AGAP1: variants seen among roughly 807,000 people sequenced by gnomAD.
The protein encoded by AGAP1 is ArfGAP with GTPase domain, ankyrin repeat and PH domain 1.
In AGAP1, 29 loss-of-function variants were observed where a neutral mutation model predicts 105.3. That is an observed-to-expected ratio of 0.28 (90% CI 0.21 to 0.38). The LOEUF (loss-of-function observed/expected upper bound fraction) is 0.38. Ranked by LOEUF, AGAP1 falls within the 10% of genes least tolerant of loss-of-function variation. AGAP1 has a pLI of 1.00. For synonymous variants in AGAP1, 509 were observed against 485.9 expected (o/e 1.05, Z -0.63); for missense variants, 998 against 1,165.1 (o/e 0.86, Z 2.09).
intron 9 of AGAP1, among the ~76,000 whole-genome samples, chr2:235,812,553 G>A (rs936193539): frequency 1.3e-5 from 2 of 152,260 alleles, no homozygotes; most frequent in Non-Finnish European, 2.9e-5. Flanking sequence ...TGACGCCAGC[G>A]TTAACAGCTC....
At chr2:235,812,902 A>G (rs1381380152) in intron 9 of AGAP1, among the ~76,000 whole-genome samples, 3 of 152,230 alleles carry the variant, frequency 2.0e-5, no homozygotes, top group Non-Finnish European at 4.4e-5. Context: ...GCTCCCCAGA[A>G]GCAGATAATT....
chr2:235,835,998 T>C (rs577210985), intron 9 of AGAP1, among the ~76,000 whole-genome samples: 1 of 152,350 alleles, frequency 6.6e-6, no homozygotes, highest in African/African-American at 2.4e-5. Flanking sequence ...TTTATAAGCA[T>C]TGTTTACAGA....
At chr2:236,098,536 A>G (rs1316771577) in intron 16 of AGAP1, among the ~76,000 whole-genome samples, 1 of 151,982 alleles carries the variant, frequency 6.6e-6, no homozygotes, top group Non-Finnish European at 1.5e-5. Context: ...CACCACTGCA[A>G]TCCAGCCTGG....
chr2:235,941,852 G>C (rs957263432), intron 12 of AGAP1, among the ~76,000 whole-genome samples: 2 of 150,980 alleles, frequency 1.3e-5, no homozygotes, highest in Non-Finnish European at 1.5e-5. Context: ...TTGTTGTTGG[G>C]GGGGTAAGAA....
In AGAP1 at chr2:235,900,335, G is replaced by A. The variant is rs1310170899; in HGVS notation, c.1156-8403G>A. On this transcript the variant is annotated intron_variant, in intron 10 of 17. Coordinates refer to ENST00000304032, the MANE Select transcript of AGAP1 (RefSeq NM_001037131.3). The surrounding 1 kb of genome is among the most constrained non-coding windows in gnomAD (Gnocchi z 5.5). ...TCTTAGCCTGTTGACTTTGAGGTAG[G>A]AGGAGCCCAAAGTGGCCAGGTGACA... Among the ~76,000 whole-genome samples the A allele has an allele frequency of 2.0e-5, 3 of 151,998 alleles. No homozygotes were observed. The highest frequency in any genetic ancestry group is 7.2e-5 in the African/African-American group (3 of 41,402).
chr2:236,084,650 C>T (rs2058876397), intron 16 of AGAP1, among the ~76,000 whole-genome samples: 1 of 152,132 alleles, frequency 6.6e-6, no homozygotes, highest in African/African-American at 2.4e-5. Context: ...TGCCTGTAAT[C>T]CCAGGACTTT....
rs1458745428 is a variant in AGAP1, at chr2:235,623,311, T to C, written c.164-85868T>C. Reference sequence around the variant, plus strand: ...GGGCATGTCAAATGAATCTGGGCGTTAGCCTACAAATCAAGATTTGCTTTG... The same window carrying C: ...GGGCATGTCAAATGAATCTGGGCGTCAGCCTACAAATCAAGATTTGCTTTG... On this transcript the variant is annotated intron_variant, in intron 1 of 17. Transcript: ENST00000304032. The surrounding 1 kb of genome is among the most constrained non-coding windows in gnomAD (Gnocchi z 4.5). Among the ~76,000 whole-genome samples the C allele has an allele frequency of 6.6e-6, 1 of 152,224 alleles. No homozygotes were observed. Among genetic ancestry groups the C allele is most frequent in the African/African-American group, 2.4e-5 (1 of 41,462 alleles).
intron 1 of AGAP1, among the ~76,000 whole-genome samples, chr2:235,506,623 A>G (rs1403804604): frequency 1.3e-5 from 2 of 152,170 alleles, no homozygotes; most frequent in Non-Finnish European, 2.9e-5. Context: ...TTATTTGTCC[A>G]AGAGTTTCTT....
chr2:235,763,035 G>GGTGTGTGT (rs145122803), intron 6 of AGAP1, among the ~76,000 whole-genome samples: 35 of 140,076 alleles, frequency 2.5e-4, no homozygotes, highest in African/African-American at 8.2e-4. Flanking sequence ...TTAAGGCTCG[G>GGTGTGTGT]GTGTGTGTGT....
At chr2:235,835,778 G>T (rs550295294) in intron 9 of AGAP1, among the ~76,000 whole-genome samples, 6 of 152,288 alleles carry the variant, frequency 3.9e-5, no homozygotes, top group African/African-American at 1.4e-4. Context: ...TAATAAGTGT[G>T]TATCAAAGAT....
chr2:235,519,043 A>G (rs1942512152), intron 1 of AGAP1, among the ~76,000 whole-genome samples: 1 of 152,334 alleles, frequency 6.6e-6, no homozygotes, highest in African/African-American at 2.4e-5. Flanking sequence ...TTTGCAGGTT[A>G]TGTGACAAGA....
chr2:235,675,139 G>A (rs1490544161), intron 1 of AGAP1, among the ~76,000 whole-genome samples: 1 of 150,932 alleles, frequency 6.6e-6, no homozygotes, highest in African/African-American at 2.4e-5. Context: ...TTTTAAATTT[G>A]ATTTGTTACT....
rs1948695194 is a variant in AGAP1, at chr2:235,675,574, AC to A, written c.164-33604del. Among the ~76,000 whole-genome samples, 3 of 152,208 alleles carry A rather than the reference AC, an allele frequency of 2.0e-5. 1 individual carries two copies. Among genetic ancestry groups the A allele is most frequent in the African/African-American group, 7.2e-5 (3 of 41,454 alleles). On this transcript the variant is annotated intron_variant, in intron 1 of 17. Coordinates refer to ENST00000304032, the MANE Select transcript of AGAP1 (RefSeq NM_001037131.3). ...CTTTTGTTATTAGAATTGATTATCT[AC>A]AGTGTTTTGTTGTTACAATTGAACA...
chr2:235,638,608 GGAAA>G (rs543431475), intron 1 of AGAP1, among the ~76,000 whole-genome samples: 1 of 152,194 alleles, frequency 6.6e-6, no homozygotes, highest in Non-Finnish European at 1.5e-5. Flanking sequence ...AAAAAAGACA[GGAAA>G]GAAAGATACC....
Position 235,930,979 on chromosome 2 carries a change from A to G in AGAP1, c.1483+56A>G. Reference sequence around the variant, plus strand: ...AGCCACCTCAAGGTCCTTCGTTGTAAGCCAGGGGCTGGACAGGACGCCCTA... The same window carrying G: ...AGCCACCTCAAGGTCCTTCGTTGTAGGCCAGGGGCTGGACAGGACGCCCTA... On this transcript the variant is annotated intron_variant, in intron 12 of 17. Transcript: ENST00000304032. This position sits in a 1 kb window ranked among gnomAD's most constrained non-coding sequence, Gnocchi z 7.9. 1 of 1,584,830 alleles carries G rather than the reference A, an allele frequency of 6.3e-7. No homozygotes were observed. Among genetic ancestry groups the G allele is most frequent in the Non-Finnish European group, 8.6e-7 (1 of 1,164,530 alleles).
chr2:235,984,221 A>G (rs1181180000), intron 13 of AGAP1, among the ~76,000 whole-genome samples: 2 of 152,198 alleles, frequency 1.3e-5, no homozygotes, highest in East Asian at 3.8e-4. Flanking sequence ...ATGTTGTAGC[A>G]TGTGTCTGTA....
rs1946184310 is a variant in AGAP1, at chr2:235,612,914, A to G, written c.164-96265A>G. Among the ~76,000 whole-genome samples, 1 of 152,146 alleles carries G rather than the reference A, an allele frequency of 6.6e-6. No homozygotes were observed. The highest frequency in any genetic ancestry group is 1.5e-5 in the Non-Finnish European group (1 of 68,048). ...GCCTTTTATCTCTCCAATGTGAGGC[A>G]TCTCTGATGATGCCTAAGGATGTCC... is the stretch of plus-strand genomic sequence containing the variant. On this transcript the variant is annotated intron_variant, in intron 1 of 17. Transcript: ENST00000304032. The surrounding 1 kb of genome is among the most constrained non-coding windows in gnomAD (Gnocchi z 4.3).
rs958479772 is a variant in AGAP1, at chr2:236,042,411, C to T, written c.1891+1570C>T. On this transcript the variant is annotated intron_variant, in intron 15 of 17. Transcript: ENST00000304032. This position sits in a 1 kb window ranked among gnomAD's most constrained non-coding sequence, Gnocchi z 5.6. ...CTTGAGGTTCTTCTTTAAAGTACCT[C>T]CTTATGTTTGAATGTTTAAGTTTTA... Among the ~76,000 whole-genome samples, 2 of 152,074 alleles carry T rather than the reference C, an allele frequency of 1.3e-5. No individual in the cohort carries two copies. The highest frequency in any genetic ancestry group is 1.3e-4 in the Admixed American group (2 of 15,276).
rs1457560700 is a variant in AGAP1, at chr2:235,659,874, G to A, written c.164-49305G>A. Among the ~76,000 whole-genome samples, 1 of 152,224 alleles carries A rather than the reference G, an allele frequency of 6.6e-6. No homozygotes were observed. Among genetic ancestry groups the A allele is most frequent in the Non-Finnish European group, 1.5e-5 (1 of 68,050 alleles). On this transcript the variant is annotated intron_variant, in intron 1 of 17. Coordinates refer to ENST00000304032, the MANE Select transcript of AGAP1 (RefSeq NM_001037131.3). The surrounding 1 kb of genome is among the most constrained non-coding windows in gnomAD (Gnocchi z 5.0). Reference sequence around the variant, plus strand: ...CTGGTCCTGGGAGGGTCAGGGACTCGTGAATCAACATCTGGCTCTTTGTGC... The same window carrying A: ...CTGGTCCTGGGAGGGTCAGGGACTCATGAATCAACATCTGGCTCTTTGTGC...
Sources: allele counts gnomAD v4.1 joint callset (sites outside exome capture counted in the v4.1 genomes callset), GRCh38; gene constraint gnomAD v4.1.1; non-coding constraint Gnocchi (gnomAD v3.1); transcripts MANE v1.5; gene names NCBI Gene and HGNC (gene_info 2026-07-23, HGNC 2026-07-21).